ABHD3: variants seen among roughly 807,000 people sequenced by gnomAD.
ABHD3 encodes abhydrolase domain containing 3, phospholipase.
In ABHD3, 46 loss-of-function variants were observed where a neutral mutation model predicts 48.8. The observed-to-expected ratio is 0.94, with a 90% CI of 0.74 to 1.20. The LOEUF (loss-of-function observed/expected upper bound fraction) is 1.20. Among genes scored for constraint, ABHD3 ranks in the 50% most tolerant of loss-of-function variants. The pLI, the probability that ABHD3 is intolerant of heterozygous loss-of-function variation, is 0.00. For missense variants in ABHD3, 490 were observed against 497.8 expected (o/e 0.98, Z 0.15); for synonymous variants, 192 against 183.7 (o/e 1.04, Z -0.36).
intron 3 of ABHD3, among the ~76,000 whole-genome samples, chr18:21,697,402 C>A (rs1252769929): frequency 6.6e-6 from 1 of 151,784 alleles, no homozygotes; most frequent in African/African-American, 2.4e-5. Context: ...AAAACTGAGA[C>A]AGAGTCTCAC....
intron 3 of ABHD3, among the ~76,000 whole-genome samples, chr18:21,697,807 T>G (rs2040412816): frequency 6.6e-6 from 1 of 152,216 alleles, no homozygotes; most frequent in African/African-American, 2.4e-5. Flanking sequence ...GAAAAGTACT[T>G]TGTTAGTTTT....
At chr18:21,670,888 C>T (rs1178029839) in intron 4 of ABHD3, among the ~76,000 whole-genome samples, 1 of 152,148 alleles carries the variant, frequency 6.6e-6, no homozygotes, top group Non-Finnish European at 1.5e-5. Flanking sequence ...GTGGCACATG[C>T]CTGTCATCCC....
intron 3 of ABHD3, among the ~76,000 whole-genome samples, chr18:21,699,687 T>G (rs147094533): frequency 1.1e-3 from 175 of 152,296 alleles, no homozygotes; most frequent in African/African-American, 4.0e-3. Context: ...TAATTTTGTG[T>G]GTGTGTCTGT....
intron 4 of ABHD3, among the ~76,000 whole-genome samples, chr18:21,665,105 C>T (rs570774724): frequency 1.3e-5 from 2 of 151,674 alleles, no homozygotes; most frequent in South Asian, 4.2e-4. Context: ...CCACCATGCC[C>T]GGCTAATTTT....
chr18:21,653,593 C>G (rs554253960), intron 8 of ABHD3, among the ~76,000 whole-genome samples: 2 of 151,930 alleles, frequency 1.3e-5, no homozygotes, highest in African/African-American at 4.8e-5. Context: ...CAAATCTTAT[C>G]TCCCTAATTA....
At position 21,668,936 on chromosome 18, in the gene ABHD3, A is replaced by G. The variant is rs553910145; in HGVS notation, c.556-4706T>C. Among the ~76,000 whole-genome samples the G allele has an allele frequency of 2.0e-5, 3 of 152,246 alleles. No individual in the cohort carries two copies. The East Asian group carries it at 5.8e-4, about 29-fold the overall frequency. On this transcript the variant is annotated intron_variant, in intron 4 of 8. Transcript: ENST00000289119. ...GACACTTAAAATGTTAAAATATGTA[A>G]AGCTAGGCAGGTGTAGTGGCATATG...
intron 1 of ABHD3, among the ~76,000 whole-genome samples, chr18:21,704,297 G>A (rs1236749912): frequency 5.3e-5 from 8 of 152,182 alleles, no homozygotes; most frequent in African/African-American, 1.9e-4. Flanking sequence ...GCTGCGCTCC[G>A]AGGACCACCC....
At chr18:21,699,078 G>A (rs141264339) in intron 3 of ABHD3, among the ~76,000 whole-genome samples, 563 of 151,966 alleles carry the variant, frequency 3.7e-3, no homozygotes, top group Non-Finnish European at 5.8e-3. Context: ...GGGATTACAG[G>A]CGCACACCAC....
chr18:21,664,889 C>T (rs1334534605), intron 4 of ABHD3, among the ~76,000 whole-genome samples: 3 of 152,142 alleles, frequency 2.0e-5, no homozygotes, highest in Non-Finnish European at 4.4e-5. Context: ...CCTGCTTTGG[C>T]CCCCCAACGT....
At chr18:21,692,884 T>C (rs1186612366) in intron 3 of ABHD3, among the ~76,000 whole-genome samples, 1 of 152,240 alleles carries the variant, frequency 6.6e-6, no homozygotes, top group Non-Finnish European at 1.5e-5. Context: ...TCTAAATTTA[T>C]AGTGCTTGTA....
At chr18:21,697,308 C>T (rs549191481) in intron 3 of ABHD3, among the ~76,000 whole-genome samples, 4 of 152,074 alleles carry the variant, frequency 2.6e-5, no homozygotes, top group African/African-American at 7.2e-5. Flanking sequence ...CTCCTGACCT[C>T]GTGATCAGCC....
chr18:21,657,201 A>G (rs1159754412), intron 6 of ABHD3, 49 bp from the exon 7 acceptor site: 1 of 1,533,998 alleles, frequency 6.5e-7, no homozygotes, highest in Non-Finnish European at 8.8e-7. Context: ...TTCCTACTCC[A>G]TCATACTAAA....
At chr18:21,659,466 T>C in intron 5 of ABHD3, 123 bp from the exon 6 acceptor site, 2 of 902,994 alleles carry the variant, frequency 2.2e-6, no homozygotes, top group Non-Finnish European at 3.3e-6. Context: ...GTTTAAGTCC[T>C]CTATCCTGGA....
chr18:21,651,654 G>A lies in ABHD3; in HGVS notation c.1167C>T (p.Tyr389=), dbSNP rs201850713. The A allele has an allele frequency of 7.2e-5, 116 of 1,614,056 alleles. No individual in the cohort carries two copies. In the East Asian group the frequency reaches 2.3e-3, roughly 31 times the overall value. The change falls in exon 9 of 9, where the codon TAC becomes TAT. Residue 389 remains tyrosine (Y), a synonymous_variant. Coordinates refer to ENST00000289119, the MANE Select transcript of ABHD3 (RefSeq NM_138340.5). ...LEGIWPRQST[Y]MDRVFKQFVQ... The stretch of plus-strand genomic sequence containing the variant: ...CAAATTGCTTGAAGACACGATCCAT[G>A]TAAGTGGACTGTCTTGGCCAGATTC...
At position 21,667,520 on chromosome 18, in the gene ABHD3, C is replaced by T. The variant is rs534751626; in HGVS notation, c.556-3290G>A. On this transcript the variant is annotated intron_variant, in intron 4 of 8. Transcript: ENST00000289119. ...CCTCCCAAAGTGCTGGGATTACAGG[C>T]GTGAATCACCGCGCCCAGCCGAAAA... is the stretch of plus-strand genomic sequence containing the variant. 1.2e-4 allele frequency among the ~76,000 whole-genome samples: 19 copies of T among 152,112 alleles called. No homozygotes were observed. The South Asian group carries it at 2.9e-3, about 23-fold the overall frequency.
At chr18:21,658,996 G>A (rs2039420291) in intron 6 of ABHD3, among the ~76,000 whole-genome samples, 174 bp downstream of exon 6, 1 of 151,908 alleles carries the variant, frequency 6.6e-6, no homozygotes, top group Admixed American at 6.6e-5. Flanking sequence ...ACATCACCAC[G>A]GCCAGCTAAT....
chr18:21,678,798 T>C (rs1490260631), intron 4 of ABHD3, among the ~76,000 whole-genome samples: 1 of 152,168 alleles, frequency 6.6e-6, no homozygotes, highest in Non-Finnish European at 1.5e-5. Flanking sequence ...AGACTAGGAC[T>C]GTCTGTCTCC....
At chr18:21,677,238 A>G (rs1380532075) in intron 4 of ABHD3, among the ~76,000 whole-genome samples, 2 of 152,018 alleles carry the variant, frequency 1.3e-5, no homozygotes, top group Non-Finnish European at 2.9e-5. Context: ...TCTGTTGCCC[A>G]GGCTGGCGTG....
At chr18:21,704,413 C>T in intron 1 of ABHD3, 91 bp downstream of exon 1, 3 of 1,214,900 alleles carry the variant, frequency 2.5e-6, no homozygotes, top group Non-Finnish European at 3.1e-6. Flanking sequence ...CCCGGGGCTG[C>T]CGACCGCCCC....
Sources: gnomAD v4.1 joint callset for allele counts (sites outside exome capture counted in the v4.1 genomes callset) on GRCh38, gnomAD v4.1.1 for gene constraint, MANE v1.5 for transcripts, NCBI Gene and HGNC (gene_info 2026-07-23, HGNC 2026-07-21) for gene names.